LRMDA: variants seen among roughly 807,000 people sequenced by gnomAD.
The protein encoded by LRMDA is leucine-rich melanocyte differentiation-associated protein.
Under a neutral mutation model 29.8 loss-of-function variants are expected in LRMDA, and 18 were observed. The ratio of observed to expected loss-of-function variants is 0.60; its 90% CI spans 0.42 to 0.90. The LOEUF (loss-of-function observed/expected upper bound fraction) is 0.90, where lower values mean the gene tolerates loss of function less well. LRMDA is among the 40% of genes least tolerant of loss of function. LRMDA has a pLI of 0.00. For synonymous variants in LRMDA, 125 were observed against 109.4 expected, an observed-to-expected ratio of 1.14 and a Z score of -0.89; for missense variants, 273 against 273.9, an observed-to-expected ratio of 1.00 and a Z score of 0.02.
chr10:76,208,260 TTA>T (rs1851573377), intron 5 of LRMDA, among the ~76,000 whole-genome samples: 2 of 152,268 alleles, frequency 1.3e-5, no homozygotes, highest in South Asian at 4.1e-4. Flanking sequence ...AGCCAACAAA[TTA>T]TATGAGAGCA....
At chr10:75,797,707 T>C (rs1237979210) in intron 2 of LRMDA, among the ~76,000 whole-genome samples, 1 of 152,242 alleles carries the variant, frequency 6.6e-6, no homozygotes, top group African/African-American at 2.4e-5. Context: ...ATTCGTTTTG[T>C]GGCATGTATC....
intron 2 of LRMDA, among the ~76,000 whole-genome samples, chr10:75,539,201 T>C (rs928759216): frequency 3.9e-5 from 6 of 152,216 alleles, no homozygotes; most frequent in African/African-American, 1.4e-4. Flanking sequence ...TCAGTCAAAT[T>C]ATTTTTCAGC....
chr10:75,659,635 G>T (rs548368827), intron 2 of LRMDA, among the ~76,000 whole-genome samples: 1 of 152,312 alleles, frequency 6.6e-6, no homozygotes, highest in East Asian at 1.9e-4. Context: ...ACCAGGGACT[G>T]GGAGGTGGGG....
chr10:76,065,035 G>A, intron 5 of LRMDA, among the ~76,000 whole-genome samples: 1 of 151,516 alleles, frequency 6.6e-6, no homozygotes, highest in East Asian at 1.9e-4. Context: ...TTAATTAACT[G>A]TTTTTTTTAA....
At chr10:76,468,037 C>T (rs1419542855) in intron 6 of LRMDA, among the ~76,000 whole-genome samples, 1 of 152,156 alleles carries the variant, frequency 6.6e-6, no homozygotes, top group African/African-American at 2.4e-5. Flanking sequence ...TCTCCAAAAT[C>T]CAATTACTAG....
intron 5 of LRMDA, among the ~76,000 whole-genome samples, chr10:76,135,548 C>T (rs1850078579): frequency 6.6e-6 from 1 of 152,166 alleles, no homozygotes; most frequent in Non-Finnish European, 1.5e-5. Context: ...GTGGTTTAAA[C>T]AGCAGAAATG....
chr10:76,312,939 A>G (rs1006580210), intron 5 of LRMDA, among the ~76,000 whole-genome samples: 2 of 152,190 alleles, frequency 1.3e-5, no homozygotes, highest in African/African-American at 4.8e-5. Context: ...GAGATAAGAT[A>G]TTAAACAAAA....
intron 5 of LRMDA, among the ~76,000 whole-genome samples, chr10:76,174,578 G>A (rs555755419): frequency 1.2e-4 from 18 of 152,240 alleles, no homozygotes; most frequent in African/African-American, 3.9e-4. Flanking sequence ...CTTTCTTACT[G>A]TGATGGGTAA....
intron 5 of LRMDA, among the ~76,000 whole-genome samples, chr10:76,168,637 A>T (rs1850782388): frequency 6.6e-6 from 1 of 152,014 alleles, no homozygotes; most frequent in Non-Finnish European, 1.5e-5. Context: ...AAAGGGGATG[A>T]TGAGTAGATG....
At chr10:76,084,919 G>A (rs1203723400) in intron 5 of LRMDA, among the ~76,000 whole-genome samples, 2 of 152,056 alleles carry the variant, frequency 1.3e-5, no homozygotes, top group Non-Finnish European at 2.9e-5. Context: ...TCATTACACT[G>A]GACCAAGGGT....
intron 5 of LRMDA, among the ~76,000 whole-genome samples, chr10:76,167,107 T>C (rs1177756318): frequency 6.6e-6 from 1 of 152,232 alleles, no homozygotes; most frequent in Non-Finnish European, 1.5e-5. Flanking sequence ...CATGTATGTC[T>C]TCTTTTGAAA....
At chr10:75,446,800 G>T (rs1564773225) in intron 2 of LRMDA, among the ~76,000 whole-genome samples, 4 of 152,216 alleles carry the variant, frequency 2.6e-5, no homozygotes, top group African/African-American at 9.7e-5. Flanking sequence ...ATCCCTGCCA[G>T]CTAGGAGCAT....
chr10:76,086,631 T>C (rs933741687), intron 5 of LRMDA, among the ~76,000 whole-genome samples: 2 of 152,188 alleles, frequency 1.3e-5, no homozygotes, highest in Non-Finnish European at 2.9e-5. Context: ...CACAGCTAAA[T>C]ACTCATGTGT....
At chr10:76,273,263 A>C (rs974501236) in intron 5 of LRMDA, among the ~76,000 whole-genome samples, 14 of 152,276 alleles carry the variant, frequency 9.2e-5, no homozygotes, top group South Asian at 4.2e-4. Flanking sequence ...AGTATTTACC[A>C]TTAGATCTAA....
In LRMDA at chr10:76,278,638, T is replaced by A. The variant is rs537168540; in HGVS notation, c.517-45763T>A. Among the ~76,000 whole-genome samples, 50 of 152,326 alleles carry A rather than the reference T, an allele frequency of 3.3e-4. No individual in the cohort carries two copies. The South Asian group carries it at 0.01, about 32-fold the overall frequency. On this transcript the variant is annotated intron_variant, in intron 5 of 6. Coordinates refer to ENST00000611255, the MANE Select transcript of LRMDA (RefSeq NM_001305581.2). Reference sequence around the variant, plus strand: ...TAGCACTCAGACAGCATATAGGTAATTCCCCATGTTTCTTGTTCATTGTCT... The same window carrying A: ...TAGCACTCAGACAGCATATAGGTAAATCCCCATGTTTCTTGTTCATTGTCT...
At chr10:75,539,306 A>G (rs890980336) in intron 2 of LRMDA, among the ~76,000 whole-genome samples, 3 of 152,204 alleles carry the variant, frequency 2.0e-5, no homozygotes, top group Non-Finnish European at 4.4e-5. Flanking sequence ...TTGATGGAAC[A>G]TTTTACACAG....
intron 2 of LRMDA, among the ~76,000 whole-genome samples, chr10:75,779,628 C>A (rs919909636): frequency 6.6e-6 from 1 of 152,216 alleles, no homozygotes; most frequent in Non-Finnish European, 1.5e-5. Context: ...ACCCTGAAAT[C>A]TCAGTGGCTT....
intron 2 of LRMDA, among the ~76,000 whole-genome samples, chr10:75,961,764 A>G (rs1029214272): frequency 6.6e-6 from 1 of 152,250 alleles, no homozygotes; most frequent in African/African-American, 2.4e-5. Flanking sequence ...AAACCATAAC[A>G]AAGTACTGCA....
intron 6 of LRMDA, among the ~76,000 whole-genome samples, chr10:76,461,721 A>C (rs1842513712): frequency 6.6e-6 from 1 of 152,146 alleles, no homozygotes; most frequent in African/African-American, 2.4e-5. Context: ...GTGCTGTCTT[A>C]AGAAATTTCC....
Sources: gnomAD v4.1 joint callset for allele counts (sites outside exome capture counted in the v4.1 genomes callset) on GRCh38, gnomAD v4.1.1 for gene constraint, MANE v1.5 for transcripts, NCBI Gene and HGNC (gene_info 2026-07-23, HGNC 2026-07-21) for gene names.